TRMT44: variants seen among roughly 807,000 people sequenced by gnomAD.
TRMT44 encodes probable tRNA (uracil-O(2)-)-methyltransferase.
In TRMT44, 78 loss-of-function variants were observed where a neutral mutation model predicts 77.3. That is an observed-to-expected ratio of 1.01 (90% confidence interval 0.84 to 1.22). The LOEUF is 1.22. Among genes scored for constraint, TRMT44 ranks in the 50% most tolerant of loss-of-function variants. TRMT44 has a pLI of 0.00. For missense variants in TRMT44, 1,090 were observed against 964.4 expected, an observed-to-expected ratio of 1.13 and a Z score of -1.73; for synonymous variants, 391 against 383.3, an observed-to-expected ratio of 1.02 and a Z score of -0.23.
chr4:8,471,924 T>G (rs1727031601), intron 10 of TRMT44, among the ~76,000 whole-genome samples: 1 of 151,912 alleles, frequency 6.6e-6, no homozygotes, highest in Admixed American at 6.6e-5. Context: ...CTTCCAGGTG[T>G]GCACAGAGGG....
In TRMT44 at chr4:8,461,983, G is replaced by A. The variant is rs1726184460; in HGVS notation, c.1204-2002G>A. Among the ~76,000 whole-genome samples the A allele has an allele frequency of 6.6e-6, 1 of 152,210 alleles. No homozygotes were observed. The highest frequency in any genetic ancestry group is 2.1e-4 in the South Asian group (1 of 4,832). On this transcript the variant is annotated intron_variant, in intron 6 of 10. Transcript: ENST00000389737. The surrounding 1 kb of genome is among the most constrained non-coding windows in gnomAD (Gnocchi z 4.6). ...AAAAACCTCATTTGATTGCAAGCAA[G>A]AGAGTGTTAAAAAACTAAAAACAAA...
chr4:8,468,060 T>C lies in TRMT44; in HGVS notation c.1641T>C (p.Ala547=). 6.2e-7 allele frequency: 1 copy of C among 1,613,982 alleles called. No homozygotes were observed. Among genetic ancestry groups the C allele is most frequent in the South Asian group, 1.1e-5 (1 of 91,090 alleles). ...TTTCCCCTTCTCCACGCTGGGTTGC[T>C]GCTGGCAGTGCTGGTCACTGTGACG... ...WELSPSPRWV[A]AGSAGHCDGQ... Residue 547 remains alanine (A), a synonymous_variant, in exon 9 of 11, where the codon GCT becomes GCC. Transcript: ENST00000389737.
At chr4:8,447,962 C>T (rs1395516015) in intron 2 of TRMT44, among the ~76,000 whole-genome samples, 7 of 152,162 alleles carry the variant, frequency 4.6e-5, no homozygotes, top group African/African-American at 7.2e-5. Context: ...GTGCCTGCTG[C>T]GTTGGAGTGA....
the TRMT44 span, among the ~76,000 whole-genome samples, chr4:8,503,693 T>C: frequency 6.6e-6 from 1 of 152,182 alleles, no homozygotes; most frequent in Admixed American, 6.5e-5. Context: ...TCACAGGGCT[T>C]CTCTTGGGAA....
intron 9 of TRMT44, among the ~76,000 whole-genome samples, chr4:8,469,778 C>T (rs1195743579): frequency 6.6e-6 from 1 of 152,260 alleles, no homozygotes. Flanking sequence ...AGCCCACTGC[C>T]TCCCTCCCGC....
chr4:8,465,543 G>T lies in TRMT44; in HGVS notation c.1476G>T (p.Arg492Ser), dbSNP rs1316317308. ...CGFHVDEDCL[R>S]IPSTKRVCLV... ...TTCACGTGGACGAAGACTGCCTCAGGATTCCTTCAACCAAAAGAGTATGTC... is the reference window on the plus strand; with the variant it reads ...TTCACGTGGACGAAGACTGCCTCAGTATTCCTTCAACCAAAAGAGTATGTC... Residue 492 changes from arginine to serine, a missense_variant, in exon 8 of 11, where the codon AGG becomes AGT. Coordinates refer to ENST00000389737, the MANE Select transcript of TRMT44 (RefSeq NM_152544.3). 4.3e-6 allele frequency: 7 copies of T among 1,612,804 alleles called. No individual in the cohort carries two copies. In the Middle Eastern group the frequency reaches 4.9e-4, roughly 114 times the overall value.
At chr4:8,515,039 C>T in the TRMT44 span, among the ~76,000 whole-genome samples, 1 of 152,214 alleles carries the variant, frequency 6.6e-6, no homozygotes, top group Non-Finnish European at 1.5e-5. Context: ...GATCTCAGCT[C>T]ACTGTAACCT....
At chr4:8,502,990 G>A in the TRMT44 span, among the ~76,000 whole-genome samples, 1 of 152,198 alleles carries the variant, frequency 6.6e-6, no homozygotes, top group East Asian at 1.9e-4. Context: ...GAATACCATC[G>A]GGATGAGGTA....
intron 7 of TRMT44, 35 bp downstream of exon 7, chr4:8,464,126 G>C (rs987549120): frequency 6.4e-7 from 1 of 1,567,180 alleles, no homozygotes; most frequent in Non-Finnish European, 8.8e-7. Flanking sequence ...TGAATGGCTG[G>C]GGAATGCTTC....
intron 2 of TRMT44, among the ~76,000 whole-genome samples, chr4:8,447,809 A>G (rs1293992667): frequency 6.6e-6 from 1 of 152,170 alleles, no homozygotes; most frequent in African/African-American, 2.4e-5. Context: ...GAGAGCAGAC[A>G]CTAGGAGAAG....
downstream of TRMT44, chr4:8,478,731 A>C (rs1033066258): frequency 6.6e-6 from 1 of 152,278 alleles, no homozygotes; most frequent in Non-Finnish European, 1.5e-5. Context: ...GAAGGTGGGC[A>C]TGAGGGGGAA....
At chr4:8,472,931 T>G (rs1727119271) in intron 10 of TRMT44, among the ~76,000 whole-genome samples, 1 of 152,226 alleles carries the variant, frequency 6.6e-6, no homozygotes, top group South Asian at 2.1e-4. Flanking sequence ...ATACTGTCTT[T>G]TTCACCCATG....
At chr4:8,515,576 C>T in the TRMT44 span, among the ~76,000 whole-genome samples, 54,507 of 152,112 alleles carry the variant, frequency 0.36, 10,933 homozygotes, top group East Asian at 0.51. Context: ...TTACCCAACC[C>T]GAGTCGGGTG....
At chr4:8,481,917 G>A (rs1727625752) in intron 2 of TRMT44, among the ~76,000 whole-genome samples, 1 of 152,310 alleles carries the variant, frequency 6.6e-6, no homozygotes, top group East Asian at 1.9e-4. Flanking sequence ...CAGAAACATG[G>A]CCATGGTGAT....
At chr4:8,459,889 TGAG>T (rs1327741062) in intron 6 of TRMT44, among the ~76,000 whole-genome samples, 1 of 152,046 alleles carries the variant, frequency 6.6e-6, no homozygotes, top group Non-Finnish European at 1.5e-5. Flanking sequence ...TGGCAGGTGC[TGAG>T]GAGGAGGCTG....
intron 6 of TRMT44, among the ~76,000 whole-genome samples, chr4:8,457,022 C>A (rs935399192): frequency 1.7e-5 from 2 of 115,230 alleles, no homozygotes; most frequent in Non-Finnish European, 1.7e-5. Flanking sequence ...CACCCGCCCC[C>A]CCCCCCCAAC....
chr4:8,471,258 T>A (rs1460965844), intron 10 of TRMT44, 58 bp downstream of exon 10: 2 of 1,222,130 alleles, frequency 1.6e-6, no homozygotes, highest in African/African-American at 3.1e-5. Flanking sequence ...TTTTTTCAGT[T>A]AAATAATGTT....
intron 6 of TRMT44, among the ~76,000 whole-genome samples, chr4:8,455,979 G>C (rs73213408): frequency 6.6e-6 from 1 of 151,948 alleles, no homozygotes. Flanking sequence ...TTAAATATAC[G>C]TACATACTAG....
chr4:8,465,100 C>A (rs6826283), intron 7 of TRMT44, among the ~76,000 whole-genome samples: 8,592 of 152,182 alleles, frequency 0.056, 419 homozygotes, highest in African/African-American at 0.13. Flanking sequence ...GTTTGAAAAA[C>A]CCCCTGGTAG....
Sources: allele counts gnomAD v4.1 joint callset (sites outside exome capture counted in the v4.1 genomes callset), GRCh38; gene constraint gnomAD v4.1.1; non-coding constraint Gnocchi (gnomAD v3.1); transcripts MANE v1.5; gene names NCBI Gene and HGNC (gene_info 2026-07-23, HGNC 2026-07-21).